The following CYP27A1 variants were observed in gnomAD, a reference collection of about 807,000 sequenced individuals.
The protein encoded by CYP27A1 is sterol 26-hydroxylase, mitochondrial.
A neutral mutation model predicts 58.2 loss-of-function variants in CYP27A1; 46 were observed. The ratio of observed to expected loss-of-function variants is 0.79; its 90% CI spans 0.62 to 1.01. The LOEUF (loss-of-function observed/expected upper bound fraction) is 1.01. Among genes scored for constraint, CYP27A1 ranks in the 50% least tolerant of loss-of-function variants. The probability of loss-of-function intolerance (pLI) is 0.00; values close to 1 mark genes in which losing one functional copy is unlikely to be tolerated. For missense variants in CYP27A1, 704 were observed against 687.0 expected (o/e 1.02, Z -0.28); for synonymous variants, 274 against 285.1 (o/e 0.96, Z 0.39).
chr2:218,798,297 G>T (rs916342031), intron 1 of CYP27A1, among the ~76,000 whole-genome samples: 1 of 152,166 alleles, frequency 6.6e-6, no homozygotes, highest in Non-Finnish European at 1.5e-5. Context: ...GGGTTACCAT[G>T]CCCAGCCTTC....
chr2:218,814,488 AGGAGTGCCCT>A lies in CYP27A1; in HGVS notation c.1263+31_1263+40del, dbSNP rs763270290. ...GTGGGGCTAGAGAGCCCGATTGCCC[AGGAGTGCCCT>A]ATGCCCCCGAAGAGAGGCATTCATG... On this transcript the variant is annotated intron_variant, in intron 7 of 8. Coordinates refer to ENST00000258415, the MANE Select transcript of CYP27A1 (RefSeq NM_000784.4). 4 of 1,613,814 alleles carry A rather than the reference AGGAGTGCCCT, an allele frequency of 2.5e-6. No homozygotes were observed. In the South Asian group the frequency reaches 4.4e-5, roughly 18 times the overall value.
At chr2:218,800,074 C>T (rs1315064638) in intron 1 of CYP27A1, among the ~76,000 whole-genome samples, 1 of 152,138 alleles carries the variant, frequency 6.6e-6, no homozygotes, top group African/African-American at 2.4e-5. Context: ...TGAGAAACTC[C>T]TGCTAGACCG....
At chr2:218,805,099 G>T (rs1207497302) in intron 1 of CYP27A1, among the ~76,000 whole-genome samples, 1 of 152,188 alleles carries the variant, frequency 6.6e-6, no homozygotes, top group Admixed American at 6.5e-5. Context: ...GCAGCAACAC[G>T]GGGTTTAGGG....
chr2:218,810,976 A>C lies in CYP27A1; in HGVS notation c.446+1209A>C, dbSNP rs576801890. On this transcript the variant is annotated intron_variant, in intron 2 of 8. Transcript: ENST00000258415. Reference sequence around the variant, plus strand: ...TCCTGGCTAACACGGTGAAACCCCGACTCTACTAAAAAAAAATACAAAAAA... The same window carrying C: ...TCCTGGCTAACACGGTGAAACCCCGCCTCTACTAAAAAAAAATACAAAAAA... Among the ~76,000 whole-genome samples, 10 of 151,928 alleles carry C rather than the reference A, an allele frequency of 6.6e-5. No individual in the cohort carries two copies. The East Asian group carries it at 7.8e-4, about 12-fold the overall frequency.
At chr2:218,808,964 A>G (rs1199565764) in intron 1 of CYP27A1, among the ~76,000 whole-genome samples, 1 of 152,138 alleles carries the variant, frequency 6.6e-6, no homozygotes, top group Admixed American at 6.5e-5. Context: ...CTTAGATTTC[A>G]AAGACAAAAT....
intron 1 of CYP27A1, among the ~76,000 whole-genome samples, chr2:218,784,478 T>C (rs539967460): frequency 1.3e-5 from 2 of 152,324 alleles, no homozygotes; most frequent in East Asian, 3.9e-4. Context: ...TCATTATAGA[T>C]TAACTTCCTT....
rs1399829248 is a variant in CYP27A1 at position 218,813,067 on chromosome 2, C to T, written c.988C>T (p.Pro330Ser). 3 of 1,613,512 alleles carry T rather than the reference C, an allele frequency of 1.9e-6. No homozygotes were observed. The highest frequency in any genetic ancestry group is 1.7e-5 in the Admixed American group (1 of 59,994). ...TCCTCGGGAGGCCATGGGCAGCCTG[C>T]CTGAGCTGCTCATGGCTGGAGTGGA... ...LSPREAMGSL[P>S]ELLMAGVDTT... is the part of the protein sequence containing the mutation. Residue 330 changes from proline to serine, a missense_variant, in exon 5 of 9, where the codon CCT becomes TCT. Coordinates refer to ENST00000258415, the MANE Select transcript of CYP27A1 (RefSeq NM_000784.4).
rs558798185 is a variant in CYP27A1, at chr2:218,810,873, T to C, written c.446+1106T>C. Among the ~76,000 whole-genome samples the C allele has an allele frequency of 9.2e-5, 14 of 152,136 alleles. No individual in the cohort carries two copies. In the East Asian group the frequency reaches 1.5e-3, roughly 17 times the overall value. On this transcript the variant is annotated intron_variant, in intron 2 of 8. Transcript: ENST00000258415. Reference sequence around the variant, plus strand: ...ATATATTAAAAAAAATTTGACTGGGTGCGGTGGCTCACGCCTGTAATCCCA... The same window carrying C: ...ATATATTAAAAAAAATTTGACTGGGCGCGGTGGCTCACGCCTGTAATCCCA...
chr2:218,786,702 C>A (rs1230238246), intron 1 of CYP27A1, among the ~76,000 whole-genome samples: 2 of 152,116 alleles, frequency 1.3e-5, no homozygotes, highest in Non-Finnish European at 2.9e-5. Flanking sequence ...TCCTGTGCCC[C>A]CCAGTGCCCA....
At position 218,812,921 on chromosome 2, in the gene CYP27A1, C is replaced by T. The variant is rs768674577; in HGVS notation, c.845-3C>T. ...CCTTTCCTCTTCTCTGTTGCTTTCACAGGGAAGAAGCTGATTGATGAGAAG... is the reference window on the plus strand; with the variant it reads ...CCTTTCCTCTTCTCTGTTGCTTTCATAGGGAAGAAGCTGATTGATGAGAAG... On this transcript the variant is annotated splice_region_variant and splice_polypyrimidine_tract_variant and intron_variant, in intron 4 of 8. Transcript: ENST00000258415. 9 of 1,614,096 alleles carry T rather than the reference C, an allele frequency of 5.6e-6. No homozygotes were observed. The highest frequency in any genetic ancestry group is 1.6e-4 in the Middle Eastern group (1 of 6,084).
At chr2:218,806,510 G>A (rs1281201750) in intron 1 of CYP27A1, among the ~76,000 whole-genome samples, 3 of 152,258 alleles carry the variant, frequency 2.0e-5, no homozygotes, top group South Asian at 2.1e-4. Context: ...TATCCACTCC[G>A]AGTATTAACA....
At position 218,815,106 on chromosome 2, in the gene CYP27A1, C is replaced by A. The variant is rs1271938423; in HGVS notation, c.*76C>A. On this transcript the variant is annotated 3_prime_UTR_variant, in exon 9 of 9. Coordinates refer to ENST00000258415, the MANE Select transcript of CYP27A1 (RefSeq NM_000784.4). ...CAGTGGTTCCTGGCTGCTGCCATGT[C>A]TCAGATGAGGAGGGAGAGAAGGAGG... 7 of 1,587,396 alleles carry A rather than the reference C, an allele frequency of 4.4e-6. No individual in the cohort carries two copies. The East Asian group carries it at 1.3e-4, about 30-fold the overall frequency.
chr2:218,793,235 C>G (rs1199630513), intron 1 of CYP27A1, among the ~76,000 whole-genome samples: 1 of 151,982 alleles, frequency 6.6e-6, no homozygotes, highest in Non-Finnish European at 1.5e-5. Context: ...ACCACCATGC[C>G]CAGCTAATTT....
intron 2 of CYP27A1, among the ~76,000 whole-genome samples, chr2:218,811,698 G>T (rs1040860132): frequency 6.6e-6 from 1 of 152,172 alleles, no homozygotes; most frequent in Non-Finnish European, 1.5e-5. Flanking sequence ...GAGCACTCCG[G>T]GAACCCTAAC....
chr2:218,806,306 G>A (rs74446825), intron 1 of CYP27A1, among the ~76,000 whole-genome samples: 6,101 of 152,272 alleles, frequency 0.04, 204 homozygotes, highest in South Asian at 0.076. Flanking sequence ...AGAATTAGGA[G>A]ACATATTAAG....
chr2:218,789,894 G>A (rs930098947), intron 1 of CYP27A1, among the ~76,000 whole-genome samples: 5 of 152,194 alleles, frequency 3.3e-5, no homozygotes, highest in Non-Finnish European at 7.3e-5. Flanking sequence ...TTAGAGTAGA[G>A]GGTACCTCCT....
At chr2:218,813,664 C>G (rs1002094879) in intron 5 of CYP27A1, among the ~76,000 whole-genome samples, 7 of 152,092 alleles carry the variant, frequency 4.6e-5, no homozygotes, top group Admixed American at 1.3e-4. Flanking sequence ...CTCCTGACCT[C>G]AAATGATCTG....
At chr2:218,812,781 G>A (rs1320234684) in intron 4 of CYP27A1, 32 bp downstream of exon 4, 1 of 1,612,756 alleles carries the variant, frequency 6.2e-7, no homozygotes, top group Admixed American at 1.7e-5. Context: ...CCAGGGAAGA[G>A]AGATGGGGGT....
In CYP27A1 at chr2:218,814,383, C is replaced by G. The variant is rs1271161678; in HGVS notation, c.1188C>G (p.Leu396=). The change falls in exon 7 of 9, where the codon CTC becomes CTG. Residue 396 remains leucine (L), a synonymous_variant. Transcript: ENST00000258415. ...CCAGACATTCTTTTCCCTGCAGTCT[C>G]TACCCTGTGGTCCCCACAAACTCCC... ...LKAVLKETLR[L]YPVVPTNSRI... 1 of 1,614,184 alleles carries G rather than the reference C, an allele frequency of 6.2e-7. No homozygotes were observed. Among genetic ancestry groups the G allele is most frequent in the South Asian group, 1.1e-5 (1 of 91,084 alleles).
Sources: gnomAD v4.1 joint callset for allele counts (sites outside exome capture counted in the v4.1 genomes callset) on GRCh38, gnomAD v4.1.1 for gene constraint, MANE v1.5 for transcripts, NCBI Gene and HGNC (gene_info 2026-07-23, HGNC 2026-07-21) for gene names.